The following UPF2 variants were observed in gnomAD, a reference collection of about 807,000 sequenced individuals.
UPF2 encodes the protein UPF2 regulator of nonsense mediated mRNA decay.
A neutral mutation model predicts 141.4 loss-of-function variants in UPF2; 17 were observed. That is an observed-to-expected ratio of 0.12 (90% CI 0.08 to 0.18). The LOEUF is 0.18. Among genes scored for constraint, UPF2 ranks in the 10% least tolerant of loss-of-function variants. UPF2 has a pLI of 1.00. For missense variants in UPF2, 1,152 were observed against 1,515.9 expected (o/e 0.76, Z 3.99); for synonymous variants, 540 against 498.0 (o/e 1.08, Z -1.12).
At position 11,941,892 on chromosome 10, in the gene UPF2, A is replaced by T. The variant is rs138458869; in HGVS notation, c.3378+773T>A. ...CTAAGTAGTGTTTTTTAGAAAATTC[A>T]GTTTATTAATGTTATGAATACATTA... On this transcript the variant is annotated intron_variant, in intron 18 of 21. Transcript: ENST00000357604. Among the ~76,000 whole-genome samples, 271 of 152,372 alleles carry T rather than the reference A, an allele frequency of 1.8e-3. 1 individual carries two copies. Among genetic ancestry groups the T allele is most frequent in the African/African-American group, 3.4e-3 (142 of 41,590 alleles).
At position 11,935,256 on chromosome 10, in the gene UPF2, T is replaced by C. The variant is rs752981754; in HGVS notation, c.3546+1289A>G. Among the ~76,000 whole-genome samples the C allele has an allele frequency of 1.4e-4, 22 of 152,172 alleles. No homozygotes were observed. The highest frequency in any genetic ancestry group is 2.5e-4 in the Non-Finnish European group (17 of 68,024). ...CCATCCCAACGTGACTTGGTGTATT[T>C]CTCATATGCCTCCCAACACCAGAAT... On this transcript the variant is annotated intron_variant, in intron 19 of 21. Transcript: ENST00000357604. This position sits in a 1 kb window ranked among gnomAD's most constrained non-coding sequence, Gnocchi z 4.9.
intron 8 of UPF2, among the ~76,000 whole-genome samples, chr10:11,991,267 T>C (rs1401941719): frequency 2.6e-5 from 4 of 151,870 alleles, no homozygotes; most frequent in Admixed American, 2.0e-4. Flanking sequence ...AAAAGAGTAG[T>C]AGAGGGAAAA....
At chr10:11,929,772 C>A (rs1021953165) in intron 21 of UPF2, 93 bp downstream of exon 21, 27 of 1,502,826 alleles carry the variant, frequency 1.8e-5, no homozygotes, top group Non-Finnish European at 2.2e-5. Flanking sequence ...AAAAATCGGG[C>A]CTTTGCCAAA....
intron 4 of UPF2, among the ~76,000 whole-genome samples, chr10:12,005,242 T>A (rs772380857): frequency 1.3e-5 from 2 of 152,134 alleles, no homozygotes; most frequent in Non-Finnish European, 2.9e-5. Flanking sequence ...CCTTGGCACA[T>A]GGTAGATTGC....
chr10:11,929,769 G>A (rs555072526), intron 21 of UPF2, 96 bp downstream of exon 21: 23 of 1,485,248 alleles, frequency 1.5e-5, no homozygotes, highest in African/African-American at 1.4e-4. Flanking sequence ...GCTAAAAATC[G>A]GGCCTTTGCC....
chr10:11,978,855 C>A (rs1191084120), intron 9 of UPF2, among the ~76,000 whole-genome samples: 1 of 152,160 alleles, frequency 6.6e-6, no homozygotes, highest in Admixed American at 6.5e-5. Flanking sequence ...AGGAACAGCT[C>A]ACCTCCCAAC....
At chr10:11,960,074 T>C (rs956172224) in intron 11 of UPF2, among the ~76,000 whole-genome samples, 9 of 152,124 alleles carry the variant, frequency 5.9e-5, no homozygotes, top group African/African-American at 9.7e-5. Flanking sequence ...ACATTTCGAA[T>C]TGGATAATTT....
chr10:11,990,696 G>C (rs889171168), intron 8 of UPF2, among the ~76,000 whole-genome samples: 9 of 103,220 alleles, frequency 8.7e-5, no homozygotes, highest in Admixed American at 2.0e-4. Flanking sequence ...AAAAAAAAAA[G>C]GAAACCTGTT....
chr10:12,029,425 T>C lies in UPF2; in HGVS notation c.465A>G (p.Arg155=). 1 of 1,614,218 alleles carries C rather than the reference T, an allele frequency of 6.2e-7. No individual in the cohort carries two copies. Among genetic ancestry groups the C allele is most frequent in the Non-Finnish European group, 8.5e-7 (1 of 1,180,048 alleles). ...RSKNQNAPDS[R]PEENFFSRLD... is the part of the protein sequence containing the mutation. The stretch of plus-strand genomic sequence containing the variant: ...GGCGGCTGAAGAAGTTTTCCTCTGG[T>C]CGGCTGTCCGGAGCATTTTGGTTTT... Residue 155 remains arginine (R), a synonymous_variant, in exon 3 of 22, where the codon CGA becomes CGG. Transcript: ENST00000357604.
At chr10:12,031,399 A>G (rs1242074909) in intron 2 of UPF2, among the ~76,000 whole-genome samples, 3 of 152,192 alleles carry the variant, frequency 2.0e-5, no homozygotes, top group African/African-American at 4.8e-5. Flanking sequence ...AAAAACAAAT[A>G]TACCTATTTT....
intron 3 of UPF2, among the ~76,000 whole-genome samples, chr10:12,028,530 C>A (rs533011809): frequency 6.6e-6 from 1 of 152,272 alleles, no homozygotes; most frequent in South Asian, 2.1e-4. Flanking sequence ...ATCTACTTGG[C>A]AGATTTTTTT....
intron 15 of UPF2, among the ~76,000 whole-genome samples, chr10:11,950,697 C>T (rs1224789856): frequency 6.6e-6 from 1 of 152,168 alleles, no homozygotes; most frequent in Non-Finnish European, 1.5e-5. Context: ...TAACAATTTT[C>T]CAAGGATCCA....
At chr10:12,011,901 C>T (rs1254777260) in intron 4 of UPF2, among the ~76,000 whole-genome samples, 17 of 151,572 alleles carry the variant, frequency 1.1e-4, no homozygotes, top group South Asian at 4.2e-4. Context: ...GCCGAGATCG[C>T]GCCTTTGCAC....
At chr10:11,994,788 A>G (rs1833837728) in intron 8 of UPF2, among the ~76,000 whole-genome samples, 2 of 151,956 alleles carry the variant, frequency 1.3e-5, no homozygotes, top group Non-Finnish European at 2.9e-5. Flanking sequence ...CATCCTGGCT[A>G]ACACAATAAA....
intron 21 of UPF2, among the ~76,000 whole-genome samples, chr10:11,925,735 C>A (rs890539562): frequency 3.3e-5 from 5 of 152,194 alleles, no homozygotes; most frequent in Non-Finnish European, 4.4e-5. Flanking sequence ...AGGGGAACAG[C>A]TGGAGACTGT....
chr10:11,938,811 C>T (rs1013628271), intron 18 of UPF2, among the ~76,000 whole-genome samples: 1 of 149,164 alleles, frequency 6.7e-6, no homozygotes, highest in African/African-American at 2.5e-5. Context: ...GAACAAACTC[C>T]ACCACGTCCT....
chr10:11,987,057 C>T (rs73573512), intron 8 of UPF2, among the ~76,000 whole-genome samples: 17 of 152,362 alleles, frequency 1.1e-4, no homozygotes, highest in African/African-American at 3.4e-4. Flanking sequence ...GAGATTCTTA[C>T]GTACTTTCCC....
intron 5 of UPF2, among the ~76,000 whole-genome samples, chr10:12,002,060 C>G (rs564822726): frequency 1.3e-5 from 2 of 152,254 alleles, no homozygotes; most frequent in Non-Finnish European, 2.9e-5. Context: ...CACCTGAGGT[C>G]AGGAGTTTGA....
chr10:11,940,168 C>T lies in UPF2; in HGVS notation c.3378+2497G>A, dbSNP rs1259919642. On this transcript the variant is annotated intron_variant, in intron 18 of 21. Coordinates refer to ENST00000357604, the MANE Select transcript of UPF2 (RefSeq NM_015542.4). The surrounding 1 kb of genome is among the most constrained non-coding windows in gnomAD (Gnocchi z 4.2). ...AAGTTTTTCTCCAGCACAAAAAGCA[C>T]ATCTCCTGCAAAAATGTGAATTCGA... Among the ~76,000 whole-genome samples, 1 of 152,162 alleles carries T rather than the reference C, an allele frequency of 6.6e-6. No homozygotes were observed. Among genetic ancestry groups the T allele is most frequent in the Non-Finnish European group, 1.5e-5 (1 of 68,024 alleles).
Sources: allele counts gnomAD v4.1 joint callset (sites outside exome capture counted in the v4.1 genomes callset), GRCh38; gene constraint gnomAD v4.1.1; non-coding constraint Gnocchi (gnomAD v3.1); transcripts MANE v1.5; gene names NCBI Gene and HGNC (gene_info 2026-07-23, HGNC 2026-07-21).